The following SCAMP2 variants were observed in gnomAD, a reference collection of about 807,000 sequenced individuals.
SCAMP2 encodes secretory carrier-associated membrane protein 2.
In SCAMP2, 25 loss-of-function variants were observed where a neutral mutation model predicts 44.1. That is an observed-to-expected ratio of 0.57 (90% CI 0.41 to 0.79). The LOEUF is 0.79. Among genes scored for constraint, SCAMP2 ranks in the 30% least tolerant of loss-of-function variants. The probability of loss-of-function intolerance (pLI) is 0.00; values close to 1 mark genes in which losing one functional copy is unlikely to be tolerated. For synonymous variants in SCAMP2, 156 were observed against 166.0 expected, an observed-to-expected ratio of 0.94 and a Z score of 0.46; for missense variants, 355 against 411.0, an observed-to-expected ratio of 0.86 and a Z score of 1.18.
At chr15:74,853,210 A>G (rs985422267) in intron 3 of SCAMP2, 1 of 324,836 alleles carries the variant, frequency 3.1e-6, no homozygotes, top group Non-Finnish European at 6.2e-6. Context: ...GCCAGCTGAG[A>G]AGGACCCAGC....
intron 7 of SCAMP2, among the ~76,000 whole-genome samples, chr15:74,846,992 T>C (rs990329329): frequency 7.2e-5 from 11 of 151,892 alleles, no homozygotes; most frequent in Admixed American, 3.3e-4. Context: ...ACTAAAATAG[T>C]GTAGGACTGG....
At chr15:74,859,773 C>T (rs1261922910) in intron 1 of SCAMP2, among the ~76,000 whole-genome samples, 7 of 152,034 alleles carry the variant, frequency 4.6e-5, no homozygotes, top group African/African-American at 9.7e-5. Context: ...CATACCACCA[C>T]GCCCGGCTAA....
chr15:74,844,706 C>CA lies in SCAMP2; in HGVS notation c.*376dup, dbSNP rs1442142294. The CA allele has an allele frequency of 1.1e-5, 2 of 178,372 alleles. No homozygotes were observed. The highest frequency in any genetic ancestry group is 4.7e-5 in the African/African-American group (2 of 42,112). 11.0% of individuals were successfully genotyped at this position (178,372 alleles called of 1,614,324 possible). On this transcript the variant is annotated 3_prime_UTR_variant, in exon 9 of 9. Coordinates refer to ENST00000268099, the MANE Select transcript of SCAMP2 (RefSeq NM_005697.5). ...GGCCAGGCCTGCAGGGTGGGGGAGTCAAGGCCCAGGACCCTGGCAGAAAGC... is the reference window on the plus strand; with the variant it reads ...GGCCAGGCCTGCAGGGTGGGGGAGTCAAAGGCCCAGGACCCTGGCAGAAAGC...
chr15:74,864,491 C>A (rs1423357168), intron 1 of SCAMP2, among the ~76,000 whole-genome samples: 3 of 152,112 alleles, frequency 2.0e-5, no homozygotes, highest in Non-Finnish European at 4.4e-5. Context: ...GATTGTGGGA[C>A]TTTGGATGTT....
At chr15:74,850,437 C>T (rs1271308043) in intron 6 of SCAMP2, 77 bp downstream of exon 6, 3 of 1,319,422 alleles carry the variant, frequency 2.3e-6, no homozygotes, top group Non-Finnish European at 3.2e-6. Context: ...CAGATGGGGT[C>T]CCAGGGCCTA....
chr15:74,860,344 G>A (rs1181818529), intron 1 of SCAMP2, among the ~76,000 whole-genome samples: 2 of 151,980 alleles, frequency 1.3e-5, no homozygotes, highest in East Asian at 3.9e-4. Flanking sequence ...GAGACCAGGA[G>A]TTCTAGACCA....
chr15:74,853,489 A>G lies in SCAMP2; in HGVS notation c.225+532T>C, dbSNP rs538577398. The G allele has an allele frequency of 6.6e-6, 3 of 456,402 alleles. No homozygotes were observed. The East Asian group carries it at 2.1e-4, about 32-fold the overall frequency. 28.3% of individuals were successfully genotyped at this position (456,402 alleles called of 1,614,324 possible). ...AGGCGGGAACTTGCTGGCCTGTCTA[A>G]GCAGGAGCTGCAACACACAACTCCA... On this transcript the variant is annotated intron_variant, in intron 3 of 8. Coordinates refer to ENST00000268099, the MANE Select transcript of SCAMP2 (RefSeq NM_005697.5).
intron 1 of SCAMP2, among the ~76,000 whole-genome samples, chr15:74,856,692 C>T (rs1285238037): frequency 6.6e-6 from 1 of 151,858 alleles, no homozygotes; most frequent in Non-Finnish European, 1.5e-5. Flanking sequence ...CTCCTGGGCT[C>T]AAGCATTCCT....
At chr15:74,866,929 T>G (rs907367657) in intron 1 of SCAMP2, among the ~76,000 whole-genome samples, 4 of 152,054 alleles carry the variant, frequency 2.6e-5, no homozygotes, top group Non-Finnish European at 5.9e-5. Context: ...CCCGAGTAGC[T>G]GGAACTACAG....
chr15:74,864,497 A>C (rs2064529438), intron 1 of SCAMP2, among the ~76,000 whole-genome samples: 1 of 152,178 alleles, frequency 6.6e-6, no homozygotes, highest in Non-Finnish European at 1.5e-5. Context: ...GGGACTTTGG[A>C]TGTTGCTCTA....
At chr15:74,871,365 G>T (rs1371470545) in intron 1 of SCAMP2, among the ~76,000 whole-genome samples, 1 of 150,884 alleles carries the variant, frequency 6.6e-6, no homozygotes, top group Non-Finnish European at 1.5e-5. Flanking sequence ...ACTGAGGTGG[G>T]ATTCAAATAA....
At chr15:74,856,070 T>C (rs1180334111) in intron 1 of SCAMP2, among the ~76,000 whole-genome samples, 1 of 151,872 alleles carries the variant, frequency 6.6e-6, no homozygotes, top group African/African-American at 2.4e-5. Context: ...GATGCAGGGC[T>C]CAGGTCCAGC....
intron 3 of SCAMP2, chr15:74,852,482 C>T (rs922063314): frequency 3.4e-6 from 1 of 292,556 alleles, no homozygotes; most frequent in Non-Finnish European, 6.3e-6. Context: ...CACCTCTTCC[C>T]CATACTGGGT....
intron 6 of SCAMP2, among the ~76,000 whole-genome samples, chr15:74,849,621 G>A (rs2064422096): frequency 6.6e-6 from 1 of 152,018 alleles, no homozygotes; most frequent in African/African-American, 2.4e-5. Flanking sequence ...GTGTGTGCCT[G>A]TAAGCCCAGC....
In SCAMP2 at chr15:74,862,290, TTCC is replaced by T. The variant is rs796180304; in HGVS notation, c.58-7644_58-7642del. 4.1e-5 allele frequency among the ~76,000 whole-genome samples: 3 copies of T among 73,990 alleles called. 1 individual carries two copies. The highest frequency in any genetic ancestry group is 1.2e-4 in the African/African-American group (2 of 16,688). 48.5% of individuals were successfully genotyped at this position (73,990 alleles called of 152,430 possible). On this transcript the variant is annotated intron_variant, in intron 1 of 8. Coordinates refer to ENST00000268099, the MANE Select transcript of SCAMP2 (RefSeq NM_005697.5). The stretch of plus-strand genomic sequence containing the variant: ...AAAAAAAAAAAAAAAAAAAAAAAAA[TTCC>T]TGGCCAGGTGCAATGGCTCACACCT...
chr15:74,864,223 A>G (rs2064527314), intron 1 of SCAMP2, among the ~76,000 whole-genome samples: 1 of 152,104 alleles, frequency 6.6e-6, no homozygotes, highest in East Asian at 1.9e-4. Context: ...CACCATGCCC[A>G]GCTAATTTTT....
intron 4 of SCAMP2, 139 bp from the exon 5 acceptor site, chr15:74,851,620 G>A: frequency 9.7e-7 from 1 of 1,033,814 alleles, no homozygotes; most frequent in Non-Finnish European, 1.4e-6. Flanking sequence ...AGTCTGCATG[G>A]AGCATGGAGT....
chr15:74,853,681 T>A (rs2064450149), intron 3 of SCAMP2: 1 of 412,048 alleles, frequency 2.4e-6, no homozygotes. Flanking sequence ...AAGAGAGAGA[T>A]TCTGGGCCCC....
chr15:74,865,446 G>A (rs1293506804), intron 1 of SCAMP2, among the ~76,000 whole-genome samples: 1 of 149,910 alleles, frequency 6.7e-6, no homozygotes, highest in Admixed American at 6.6e-5. Flanking sequence ...GTGACTGTGG[G>A]AGAGGAGGAA....
Sources: allele counts gnomAD v4.1 joint callset (sites outside exome capture counted in the v4.1 genomes callset), GRCh38; gene constraint gnomAD v4.1.1; transcripts MANE v1.5; gene names NCBI Gene and HGNC (gene_info 2026-07-23, HGNC 2026-07-21).